CENPH: variants seen among roughly 807,000 people sequenced by gnomAD.
CENPH encodes centromere protein H.
A neutral mutation model predicts 42.9 loss-of-function variants in CENPH; 40 were observed. The observed-to-expected ratio is 0.93, with a 90% CI of 0.72 to 1.21. The LOEUF (loss-of-function observed/expected upper bound fraction) is 1.21. CENPH is among the 50% of genes most tolerant of loss of function. CENPH has a pLI of 0.00. For synonymous variants in CENPH, 88 were observed against 96.5 expected, an observed-to-expected ratio of 0.91 and a Z score of 0.52; for missense variants, 302 against 292.9, an observed-to-expected ratio of 1.03 and a Z score of -0.23.
intron 4 of CENPH, among the ~76,000 whole-genome samples, chr5:69,196,653 CAAAA>C (rs140044841): frequency 1.3e-5 from 2 of 150,610 alleles, no homozygotes; most frequent in Non-Finnish European, 3.0e-5. Context: ...TCTCAAAAAA[CAAAA>C]AAAAAGTTTT....
intron 8 of CENPH, among the ~76,000 whole-genome samples, 164 bp from the exon 9 acceptor site, chr5:69,209,540 CAAA>C (rs1024833550): frequency 8.1e-6 from 1 of 123,570 alleles, no homozygotes. Context: ...GACTCCGACT[CAAA>C]AAAAAAAAAT....
At chr5:69,194,354 G>A (rs1747929423) in intron 2 of CENPH, among the ~76,000 whole-genome samples, 1 of 152,098 alleles carries the variant, frequency 6.6e-6, no homozygotes, top group Non-Finnish European at 1.5e-5. Context: ...TCACTATGTT[G>A]CCCAGGCTGG....
intron 7 of CENPH, among the ~76,000 whole-genome samples, chr5:69,203,532 A>G (rs1748092018): frequency 6.6e-6 from 1 of 151,880 alleles, no homozygotes; most frequent in Non-Finnish European, 1.5e-5. Context: ...ACACCTGGCT[A>G]GTTTTCGTAT....
chr5:69,191,461 G>A (rs1041748076), intron 1 of CENPH, among the ~76,000 whole-genome samples: 4 of 151,954 alleles, frequency 2.6e-5, no homozygotes, highest in African/African-American at 9.7e-5. Flanking sequence ...GTGGTGAGCC[G>A]AGATTGCGCC....
intron 7 of CENPH, 53 bp downstream of exon 7, chr5:69,203,023 T>C: frequency 8.3e-7 from 1 of 1,204,894 alleles, no homozygotes; most frequent in Non-Finnish European, 1.2e-6. Flanking sequence ...CTTTATAGAT[T>C]GATAAGGCCA....
At chr5:69,205,612 C>T (rs1055447689) in intron 7 of CENPH, among the ~76,000 whole-genome samples, 1 of 151,548 alleles carries the variant, frequency 6.6e-6, no homozygotes, top group Non-Finnish European at 1.5e-5. Flanking sequence ...TTCCTGGACT[C>T]GAGCAATCCT....
chr5:69,192,956 C>T (rs976672025), intron 2 of CENPH, among the ~76,000 whole-genome samples: 2 of 146,730 alleles, frequency 1.4e-5, no homozygotes, highest in Admixed American at 7.0e-5. Flanking sequence ...ATTAGCTGGG[C>T]GTGGTGGTGC....
intron 7 of CENPH, among the ~76,000 whole-genome samples, chr5:69,206,665 A>T (rs976389089): frequency 2.0e-5 from 3 of 150,686 alleles, no homozygotes; most frequent in Admixed American, 1.3e-4. Context: ...TGCCCCACTG[A>T]TTTATATTTT....
chr5:69,206,114 C>T (rs1031797859), intron 7 of CENPH, among the ~76,000 whole-genome samples: 4 of 152,040 alleles, frequency 2.6e-5, no homozygotes, highest in Non-Finnish European at 4.4e-5. Context: ...ATCTGCCCAC[C>T]TTGGCCTCCC....
chr5:69,201,812 T>C (rs1053905923), intron 5 of CENPH, among the ~76,000 whole-genome samples: 12 of 152,344 alleles, frequency 7.9e-5, no homozygotes, highest in Admixed American at 7.8e-4. Flanking sequence ...AAGCTGTGAT[T>C]GTGCCAGTGC....
chr5:69,195,873 T>C (rs997276558), intron 4 of CENPH, 82 bp downstream of exon 4: 1 of 677,624 alleles, frequency 1.5e-6, no homozygotes. Flanking sequence ...ATCTTTTAAC[T>C]GGGCTGAGTG....
In CENPH at chr5:69,189,758, C is replaced by T. The variant is rs1747832668; in HGVS notation, c.124C>T (p.Leu42=). The T allele has an allele frequency of 6.6e-7, 1 of 1,515,930 alleles. No individual in the cohort carries two copies. The highest frequency in any genetic ancestry group is 8.8e-7 in the Non-Finnish European group (1 of 1,136,088). The allele number at this position is 1,515,930 out of a possible 1,614,324, so 93.9% of individuals were successfully genotyped here. A position where few individuals can be genotyped will look rare whatever the true frequency, so the allele number is the denominator to read the frequency against. ...GGCGTGCAGCGAGGACCGCATGACCCTGCTCCTCAGGTTGTTCCCTTTGGC... is the reference window on the plus strand; with the variant it reads ...GGCGTGCAGCGAGGACCGCATGACCTTGCTCCTCAGGTTGTTCCCTTTGGC... ...QAACSEDRMT[L]LLRLRAQTKQ... Residue 42 remains leucine (L), a synonymous_variant, in exon 1 of 9, where the codon CTG becomes TTG. Transcript: ENST00000283006.
rs1244073988 is a variant in CENPH at position 69,204,051 on chromosome 5, T to TAATAA, written c.487+1081_487+1082insAATAA. Among the ~76,000 whole-genome samples, 2 of 61,944 alleles carry TAATAA rather than the reference T, an allele frequency of 3.2e-5. 1 individual carries two copies. Among genetic ancestry groups the TAATAA allele is most frequent in the Admixed American group, 3.4e-4 (2 of 5,822 alleles). The allele number at this position is 61,944 out of a possible 152,430, so 40.6% of individuals were successfully genotyped here. ...ATATATAATTATATATATTTATATA[T>TAATAA]TATATATATAAATATATATAATATA... On this transcript the variant is annotated intron_variant, in intron 7 of 8. Coordinates refer to ENST00000283006, the MANE Select transcript of CENPH (RefSeq NM_022909.4).
intron 5 of CENPH, among the ~76,000 whole-genome samples, chr5:69,199,887 C>A (rs1405576448): frequency 6.6e-6 from 1 of 151,790 alleles, no homozygotes; most frequent in Non-Finnish European, 1.5e-5. Context: ...CCGAGGCAGG[C>A]GGATCGTCTG....
chr5:69,197,159 G>A, intron 5 of CENPH, 50 bp downstream of exon 5: 1 of 1,174,358 alleles, frequency 8.5e-7, no homozygotes, highest in Non-Finnish European at 1.2e-6. Flanking sequence ...TCTGCATAGT[G>A]ACTTTAGTTT....
Position 69,189,664 on chromosome 5 carries a change from C to CG in CENPH, c.31dup (p.Asp11GlyfsTer48). The CG allele has an allele frequency of 6.2e-7, 1 of 1,600,130 alleles. No homozygotes were observed. Among genetic ancestry groups the CG allele is most frequent in the South Asian group, 1.1e-5 (1 of 89,358 alleles). Reference sequence around the variant, plus strand: ...AGGAGCAGCCCCAGATGCAAGACGCCGACGAGCCCGCGGACTCCGGAGGGG... The same window carrying CG: ...AGGAGCAGCCCCAGATGCAAGACGCCGGACGAGCCCGCGGACTCCGGAGGGG... On this transcript the variant is annotated frameshift_variant, in exon 1 of 9. Coordinates refer to ENST00000283006, the MANE Select transcript of CENPH (RefSeq NM_022909.4). LOFTEE classifies it high-confidence loss of function.
intron 3 of CENPH, among the ~76,000 whole-genome samples, 191 bp from the exon 4 acceptor site, chr5:69,195,526 G>A (rs1747949418): frequency 6.6e-6 from 1 of 152,118 alleles, no homozygotes; most frequent in Non-Finnish European, 1.5e-5. Flanking sequence ...CTTTTTATAA[G>A]ATACTAAGTG....
At chr5:69,203,072 TC>T in intron 7 of CENPH, 102 bp downstream of exon 7, 2 of 777,638 alleles carry the variant, frequency 2.6e-6, no homozygotes, top group Non-Finnish European at 4.2e-6. Context: ...ATTTCCGACT[TC>T]CAAAATTCCT....
chr5:69,200,335 A>G (rs1748037907), intron 5 of CENPH, among the ~76,000 whole-genome samples: 1 of 152,292 alleles, frequency 6.6e-6, no homozygotes, highest in African/African-American at 2.4e-5. Flanking sequence ...AGAAACTGCC[A>G]ACTAACTTCT....
Sources: gnomAD v4.1 joint callset for allele counts (sites outside exome capture counted in the v4.1 genomes callset) on GRCh38, gnomAD v4.1.1 for gene constraint, MANE v1.5 for transcripts, NCBI Gene and HGNC (gene_info 2026-07-23, HGNC 2026-07-21) for gene names.